Variants in SGCZ observed in about 807,000 individuals in gnomAD.
SGCZ encodes zeta-sarcoglycan.
Under a neutral mutation model 41.3 loss-of-function variants are expected in SGCZ, and 40 were observed. That is an observed-to-expected ratio of 0.97 (90% CI 0.75 to 1.26). SGCZ has a LOEUF of 1.26. Among genes scored for constraint, SGCZ ranks in the 50% most tolerant of loss-of-function variants. The pLI is 0.00. For missense variants in SGCZ, 552 were observed against 369.8 expected (o/e 1.49, Z -4.04); for synonymous variants, 206 against 137.5 (o/e 1.50, Z -3.49).
At chr8:14,192,588 A>T (rs1382274086) in intron 4 of SGCZ, among the ~76,000 whole-genome samples, 1 of 151,924 alleles carries the variant, frequency 6.6e-6, no homozygotes, top group Non-Finnish European at 1.5e-5. Context: ...GAATATGCTT[A>T]TTATTAGCTA....
rs575369543 is a variant in SGCZ, at chr8:14,650,857, T to C, written c.40-95931A>G. On this transcript the variant is annotated intron_variant, in intron 1 of 7. Coordinates refer to ENST00000382080, the MANE Select transcript of SGCZ (RefSeq NM_139167.4). ...GGTAAAATAGAGGGGAGTGATATGT[T>C]ATACCTATATGAATGATAAAATTTT... is the stretch of plus-strand genomic sequence containing the variant. Among the ~76,000 whole-genome samples the C allele has an allele frequency of 1.2e-3, 181 of 152,156 alleles. 1 individual carries two copies. Among genetic ancestry groups the C allele is most frequent in the Admixed American group, 0.012 (181 of 15,246 alleles).
At chr8:15,107,915 G>A (rs567154307) in intron 1 of SGCZ, among the ~76,000 whole-genome samples, 1 of 152,084 alleles carries the variant, frequency 6.6e-6, no homozygotes, top group African/African-American at 2.4e-5. Flanking sequence ...ATATTTATTT[G>A]AATAGGCTTG....
At chr8:14,652,346 A>AC (rs201135943) in intron 1 of SGCZ, among the ~76,000 whole-genome samples, 1 of 50,744 alleles carries the variant, frequency 2.0e-5, no homozygotes, top group African/African-American at 8.1e-5. Context: ...AAAAAAAAAA[A>AC]GGGGGGGGTG....
intron 5 of SGCZ, among the ~76,000 whole-genome samples, chr8:14,126,852 T>A (rs978440245): frequency 5.3e-5 from 8 of 152,178 alleles, no homozygotes; most frequent in African/African-American, 1.9e-4. Context: ...GATGAAGCTG[T>A]AAGCCATCAT....
At chr8:14,609,623 T>C (rs1419482022) in intron 1 of SGCZ, among the ~76,000 whole-genome samples, 1 of 152,158 alleles carries the variant, frequency 6.6e-6, no homozygotes, top group African/African-American at 2.4e-5. Flanking sequence ...AAAATCAACA[T>C]TTTTGACACA....
At chr8:15,217,067 G>A (rs1239769369) in intron 1 of SGCZ, among the ~76,000 whole-genome samples, 1 of 151,824 alleles carries the variant, frequency 6.6e-6, no homozygotes, top group Admixed American at 6.6e-5. Flanking sequence ...AAAAAAAATT[G>A]TTAGGATCAA....
intron 1 of SGCZ, among the ~76,000 whole-genome samples, chr8:15,206,770 T>TA (rs1369198910): frequency 6.7e-6 from 1 of 149,804 alleles, no homozygotes; most frequent in East Asian, 1.9e-4. Flanking sequence ...AATGAGCAAC[T>TA]AAAGAGATTT....
rs138487393 is a variant in SGCZ at position 14,203,688 on chromosome 8, A to G, written c.424+33904T>C. ...ACCACAATCCATTGCTAAATTAAAC[A>G]TGGCCTTTATAGTCAAGGACCTTAT... On this transcript the variant is annotated intron_variant, in intron 4 of 7. Transcript: ENST00000382080. 3.1e-4 allele frequency among the ~76,000 whole-genome samples: 47 copies of G among 152,332 alleles called. 1 individual carries two copies. In the East Asian group the frequency reaches 7.4e-3, roughly 24 times the overall value.
intron 3 of SGCZ, among the ~76,000 whole-genome samples, chr8:14,297,155 T>G (rs1801039789): frequency 1.3e-5 from 2 of 152,058 alleles, no homozygotes; most frequent in South Asian, 4.2e-4. Flanking sequence ...ACTCCTGACC[T>G]CAGGTGATCC....
intron 1 of SGCZ, among the ~76,000 whole-genome samples, chr8:14,580,102 C>G (rs192451462): frequency 1.3e-5 from 2 of 152,056 alleles, no homozygotes; most frequent in African/African-American, 4.8e-5. Flanking sequence ...GGAAAGGTCC[C>G]GGAGAAAGAC....
chr8:14,310,006 C>CA (rs1225024772), intron 3 of SGCZ, among the ~76,000 whole-genome samples: 2 of 151,716 alleles, frequency 1.3e-5, no homozygotes, highest in Non-Finnish European at 2.9e-5. Flanking sequence ...CCACAATAGT[C>CA]AAAAAAAAAC....
chr8:14,481,240 C>A (rs540564070), intron 2 of SGCZ, among the ~76,000 whole-genome samples: 1 of 152,154 alleles, frequency 6.6e-6, no homozygotes, highest in Admixed American at 6.5e-5. Context: ...CAACACAGGG[C>A]AGGATGACAT....
chr8:15,053,259 C>G (rs1006773082), intron 1 of SGCZ, among the ~76,000 whole-genome samples: 3 of 152,110 alleles, frequency 2.0e-5, no homozygotes, highest in Non-Finnish European at 4.4e-5. Context: ...CTTCCTGCTT[C>G]CCTCATAATT....
intron 1 of SGCZ, among the ~76,000 whole-genome samples, chr8:14,908,270 G>C (rs1799177043): frequency 6.6e-6 from 1 of 152,064 alleles, no homozygotes; most frequent in African/African-American, 2.4e-5. Flanking sequence ...AGTAAACTTG[G>C]AGACACAGGT....
chr8:14,531,819 G>C (rs977539543), intron 2 of SGCZ, among the ~76,000 whole-genome samples: 1 of 151,920 alleles, frequency 6.6e-6, no homozygotes, highest in Admixed American at 6.6e-5. Flanking sequence ...ATTGTAATTT[G>C]AATAATGTAA....
intron 1 of SGCZ, among the ~76,000 whole-genome samples, chr8:14,565,895 A>AT (rs562632937): frequency 7.3e-5 from 11 of 151,570 alleles, no homozygotes; most frequent in Middle Eastern, 3.4e-3. Flanking sequence ...TTGGAACGTC[A>AT]TTTTTTTTTC....
chr8:14,400,820 A>G (rs1022016547), intron 2 of SGCZ, among the ~76,000 whole-genome samples: 13 of 152,196 alleles, frequency 8.5e-5, no homozygotes, highest in Non-Finnish European at 1.8e-4. Context: ...GAATCCATAG[A>G]GTACTCAACA....
At chr8:14,696,960 A>G (rs891053161) in intron 1 of SGCZ, among the ~76,000 whole-genome samples, 1 of 123,488 alleles carries the variant, frequency 8.1e-6, no homozygotes, top group East Asian at 2.4e-4. Flanking sequence ...ATGTTGATAA[A>G]GTTAAAAAAA....
chr8:14,952,247 C>A lies in SGCZ; in HGVS notation c.39+285338G>T, dbSNP rs117620622. ...CCAAGAAAACAGGAATTATAAGCAT[C>A]TCTTGGCTTACAGGTTAGACAGTAT... On this transcript the variant is annotated intron_variant, in intron 1 of 7. Coordinates refer to ENST00000382080, the MANE Select transcript of SGCZ (RefSeq NM_139167.4). Among the ~76,000 whole-genome samples, 917 of 152,226 alleles carry A rather than the reference C, an allele frequency of 6.0e-3. 6 individuals carry two copies. Among genetic ancestry groups the A allele is most frequent in the Non-Finnish European group, 9.9e-3 (676 of 68,014 alleles).
Sources: allele counts gnomAD v4.1 joint callset (sites outside exome capture counted in the v4.1 genomes callset), GRCh38; gene constraint gnomAD v4.1.1; transcripts MANE v1.5; gene names NCBI Gene and HGNC (gene_info 2026-07-23, HGNC 2026-07-21).